The following HS3ST4 variants were observed in gnomAD, a reference collection of about 807,000 sequenced individuals.
HS3ST4 encodes heparan sulfate-glucosamine 3-sulfotransferase 4, also known as heparan sulfate glucosamine 3-O-sulfotransferase 4.
HS3ST4 carries 17 observed loss-of-function variants against 29.2 expected under a neutral mutation model. The observed-to-expected ratio is 0.58, with a 90% CI of 0.40 to 0.87. The LOEUF (loss-of-function observed/expected upper bound fraction) is 0.87, where lower values mean the gene tolerates loss of function less well. HS3ST4 is among the 40% of genes least tolerant of loss of function. The probability of loss-of-function intolerance (pLI) is 0.00; values close to 1 mark genes in which losing one functional copy is unlikely to be tolerated. For synonymous variants in HS3ST4, 314 were observed against 285.7 expected (o/e 1.10, Z -1.00); for missense variants, 627 against 634.5 (o/e 0.99, Z 0.13).
chr16:25,841,301 G>A (rs561361364), intron 1 of HS3ST4, among the ~76,000 whole-genome samples: 2 of 151,420 alleles, frequency 1.3e-5, no homozygotes, highest in Admixed American at 6.6e-5. Flanking sequence ...CACCACGCCC[G>A]GCCACTTTAT....
chr16:25,934,004 C>T (rs1260258961), intron 1 of HS3ST4, among the ~76,000 whole-genome samples: 1 of 152,298 alleles, frequency 6.6e-6, no homozygotes, highest in East Asian at 1.9e-4. Context: ...TCCCAGTGCC[C>T]ATGAATATCT....
rs8044942 is a variant in HS3ST4 at position 25,827,724 on chromosome 16, G to A, written c.734+134573G>A. ...ATTTTAAAGTTTAAACTTTAAAATG[G>A]TAAAGTTTTAAAGTTTCCTAATTTG... On this transcript the variant is annotated intron_variant, in intron 1 of 1. Transcript: ENST00000331351. 1.2e-3 allele frequency among the ~76,000 whole-genome samples: 177 copies of A among 152,140 alleles called. 1 individual carries two copies. Among genetic ancestry groups the A allele is most frequent in the African/African-American group, 4.0e-3 (164 of 41,514 alleles).
At chr16:25,857,901 TTCCTTCCTTC>T (rs1967591876) in intron 1 of HS3ST4, among the ~76,000 whole-genome samples, 2 of 20,146 alleles carry the variant, frequency 9.9e-5, no homozygotes, top group African/African-American at 2.0e-4. Flanking sequence ...TTTTTCTTTC[TTCCTTCCTTC>T]CTTCCTTCCT....
intron 1 of HS3ST4, among the ~76,000 whole-genome samples, chr16:25,993,949 CGTGT>C (rs56226178): frequency 0.12 from 14,509 of 120,844 alleles, 948 homozygotes; most frequent in African/African-American, 0.18. Context: ...CACATAACCT[CGTGT>C]GTGTGTGTGT....
rs374537870 is a variant in HS3ST4 at position 25,857,365 on chromosome 16, C to T, written c.734+164214C>T. Among the ~76,000 whole-genome samples the T allele has an allele frequency of 1.6e-4, 25 of 152,252 alleles. No individual in the cohort carries two copies. The East Asian group carries it at 4.2e-3, about 26-fold the overall frequency. On this transcript the variant is annotated intron_variant, in intron 1 of 1. Transcript: ENST00000331351. ...AAAAGACATTGATTATCAGTTTGTTCAACTTTTCTGTTGTTGGAAGGATGG... is the reference window on the plus strand; with the variant it reads ...AAAAGACATTGATTATCAGTTTGTTTAACTTTTCTGTTGTTGGAAGGATGG...
Position 26,117,206 on chromosome 16 carries a change from G to A in HS3ST4, c.735-18406G>A, listed in dbSNP as rs60456319. On this transcript the variant is annotated intron_variant, in intron 1 of 1. Transcript: ENST00000331351. ...AGAGTTGTGGTGACTTCAGGCCATCGAACCATTTGCAGTAGAATTGCAGAT... is the reference window on the plus strand; with the variant it reads ...AGAGTTGTGGTGACTTCAGGCCATCAAACCATTTGCAGTAGAATTGCAGAT... Among the ~76,000 whole-genome samples the A allele has an allele frequency of 3.2e-3, 480 of 152,276 alleles. 6 individuals are homozygous for A. Among genetic ancestry groups the A allele is most frequent in the African/African-American group, 0.011 (462 of 41,558 alleles).
At chr16:25,930,820 C>T (rs12448365) in intron 1 of HS3ST4, among the ~76,000 whole-genome samples, 38,851 of 152,028 alleles carry the variant, frequency 0.26, 5,961 homozygotes, top group Non-Finnish European at 0.36. Context: ...AGCAAATGTC[C>T]GGGTGCTGGC....
intron 1 of HS3ST4, among the ~76,000 whole-genome samples, chr16:25,861,529 G>T (rs539026918): frequency 1.3e-5 from 2 of 152,030 alleles, no homozygotes; most frequent in African/African-American, 2.4e-5. Flanking sequence ...AAACTTTTTT[G>T]TTGTTGTTGT....
At chr16:25,896,737 TA>T (rs1182967167) in intron 1 of HS3ST4, among the ~76,000 whole-genome samples, 2 of 152,182 alleles carry the variant, frequency 1.3e-5, no homozygotes, top group African/African-American at 4.8e-5. Flanking sequence ...GACATGGAAT[TA>T]ACCAAGCTGT....
At chr16:26,120,073 G>GTGTGTGTGTGTGTGTA (rs1899253873) in intron 1 of HS3ST4, among the ~76,000 whole-genome samples, 2 of 102,564 alleles carry the variant, frequency 1.9e-5, no homozygotes, top group South Asian at 3.6e-4. Context: ...GTGTGTGTAT[G>GTGTGTGTGTGTGTGTA]TGTGTGTGTG....
chr16:26,124,870 G>A (rs945576289), intron 1 of HS3ST4, among the ~76,000 whole-genome samples: 8 of 152,222 alleles, frequency 5.3e-5, no homozygotes, highest in African/African-American at 1.7e-4. Flanking sequence ...GAGCCAACCT[G>A]CTGTAGAGGT....
chr16:26,079,298 T>C (rs1009773241), intron 1 of HS3ST4, among the ~76,000 whole-genome samples: 1 of 152,206 alleles, frequency 6.6e-6, no homozygotes, highest in Non-Finnish European at 1.5e-5. Flanking sequence ...TTTGGCAGCA[T>C]GCAAATGCAC....
chr16:25,749,297 C>T (rs780172789), intron 1 of HS3ST4, among the ~76,000 whole-genome samples: 1 of 152,084 alleles, frequency 6.6e-6, no homozygotes, highest in Non-Finnish European at 1.5e-5. Context: ...AGTTCAAGAC[C>T]AGCCTGGGCA....
intron 1 of HS3ST4, 62 bp downstream of exon 1, chr16:25,693,213 C>T: frequency 4.1e-6 from 6 of 1,457,306 alleles, no homozygotes; most frequent in Non-Finnish European, 4.6e-6. Flanking sequence ...GGGGAAGCCG[C>T]GGCTTTCCAC....
At chr16:25,776,578 C>T (rs567555041) in intron 1 of HS3ST4, among the ~76,000 whole-genome samples, 24 of 152,328 alleles carry the variant, frequency 1.6e-4, no homozygotes, top group African/African-American at 4.1e-4. Context: ...GGCTGTGTCA[C>T]GGGTGCGCAT....
At chr16:25,822,779 C>T (rs1319521436) in intron 1 of HS3ST4, among the ~76,000 whole-genome samples, 1 of 151,918 alleles carries the variant, frequency 6.6e-6, no homozygotes, top group Admixed American at 6.6e-5. Flanking sequence ...TCTCTGTCAC[C>T]CAGGCTGGAG....
chr16:25,771,566 C>T (rs896843235), intron 1 of HS3ST4, among the ~76,000 whole-genome samples: 2 of 152,092 alleles, frequency 1.3e-5, no homozygotes, highest in Admixed American at 6.6e-5. Flanking sequence ...GGAAGCCTTC[C>T]TTATCTTCTG....
intron 1 of HS3ST4, among the ~76,000 whole-genome samples, chr16:25,938,594 A>T (rs79451939): frequency 7.0e-6 from 1 of 143,874 alleles, no homozygotes; most frequent in Non-Finnish European, 1.5e-5. Context: ...CTATGGTATT[A>T]AAAAAAAAAA....
intron 1 of HS3ST4, among the ~76,000 whole-genome samples, chr16:25,813,103 A>G (rs1025474848): frequency 2.0e-5 from 3 of 152,236 alleles, no homozygotes; most frequent in African/African-American, 7.2e-5. Context: ...TACAATACAA[A>G]TACACAAGCA....
Sources: gnomAD v4.1 joint callset for allele counts (sites outside exome capture counted in the v4.1 genomes callset) on GRCh38, gnomAD v4.1.1 for gene constraint, MANE v1.5 for transcripts, NCBI Gene and HGNC (gene_info 2026-07-23, HGNC 2026-07-21) for gene names.